Variants in CUX2 observed in about 807,000 individuals in gnomAD.
CUX2 encodes homeobox protein cut-like 2.
A neutral mutation model predicts 144.8 loss-of-function variants in CUX2; 40 were observed. The ratio of observed to expected loss-of-function variants is 0.28; its 90% CI spans 0.21 to 0.36. The LOEUF is 0.36. Ranked by LOEUF, CUX2 falls within the 10% of genes least tolerant of loss-of-function variation. CUX2 has a pLI of 1.00. For missense variants in CUX2, 1,615 were observed against 1,994.0 expected, an observed-to-expected ratio of 0.81 and a Z score of 3.62; for synonymous variants, 827 against 875.6, an observed-to-expected ratio of 0.94 and a Z score of 0.98.
intron 3 of CUX2, among the ~76,000 whole-genome samples, chr12:111,231,612 A>C (rs549627595): frequency 2.2e-4 from 33 of 152,342 alleles, no homozygotes; most frequent in African/African-American, 7.7e-4. Context: ...TTTGTAAATA[A>C]AGTTTTATTA....
At chr12:111,091,860 G>A (rs962673926) in intron 1 of CUX2, among the ~76,000 whole-genome samples, 11 of 152,138 alleles carry the variant, frequency 7.2e-5, no homozygotes, top group South Asian at 2.1e-4. Context: ...CCACATGACT[G>A]TCTTATCTTT....
chr12:111,263,310 G>GA lies in CUX2; in HGVS notation c.223-443dup, dbSNP rs1165642924. Among the ~76,000 whole-genome samples, 36 of 151,916 alleles carry GA rather than the reference G, an allele frequency of 2.4e-4. No homozygotes were observed. The highest frequency in any genetic ancestry group is 7.4e-5 in the Non-Finnish European group (5 of 67,908). ...AAGACCCCATCGCTTAAACAAACAAGAAAAAAAATACATGGCCAGCCATGG... is the reference window on the plus strand; with the variant it reads ...AAGACCCCATCGCTTAAACAAACAAGAAAAAAAAATACATGGCCAGCCATGG... On this transcript the variant is annotated intron_variant, in intron 3 of 21. Transcript: ENST00000261726. The surrounding 1 kb of genome is among the most constrained non-coding windows in gnomAD (Gnocchi z 4.0).
chr12:111,325,118 A>G (rs1887710519), intron 18 of CUX2, among the ~76,000 whole-genome samples: 1 of 149,468 alleles, frequency 6.7e-6, no homozygotes, highest in African/African-American at 2.5e-5. Context: ...ACCCGTCTCT[A>G]CTAAAATTAC....
chr12:111,135,557 C>G (rs1875822860), intron 1 of CUX2, among the ~76,000 whole-genome samples: 1 of 152,218 alleles, frequency 6.6e-6, no homozygotes, highest in African/African-American at 2.4e-5. Context: ...ACTATTCACA[C>G]TAGCCAAAAG....
At chr12:111,313,672 T>TA (rs1204682055) in intron 16 of CUX2, among the ~76,000 whole-genome samples, 1 of 151,906 alleles carries the variant, frequency 6.6e-6, no homozygotes, top group African/African-American at 2.4e-5. Flanking sequence ...GGGACTGTAT[T>TA]AGTTTTCCTT....
intron 4 of CUX2, among the ~76,000 whole-genome samples, chr12:111,290,917 C>T (rs1017315270): frequency 6.6e-6 from 1 of 151,042 alleles, no homozygotes; most frequent in African/African-American, 2.4e-5. Flanking sequence ...GGCTGGAGTG[C>T]AGTGGCGTGA....
At chr12:111,207,207 A>G (rs746713207) in intron 1 of CUX2, among the ~76,000 whole-genome samples, 3 of 152,128 alleles carry the variant, frequency 2.0e-5, no homozygotes, top group Non-Finnish European at 4.4e-5. Flanking sequence ...CCTTTGCCTG[A>G]TCAGTTTCCA....
chr12:111,309,612 C>CT (rs1279619313), intron 14 of CUX2, among the ~76,000 whole-genome samples: 1 of 150,196 alleles, frequency 6.7e-6, no homozygotes, highest in African/African-American at 2.5e-5. Flanking sequence ...CCTCCTCCTC[C>CT]TCCTTCCTTC....
chr12:111,291,419 C>T lies in CUX2; in HGVS notation c.303C>T (p.Asp101=), dbSNP rs1310580156. ...CCCTGTCTTTCTCTCCCTGCACAGA[C>T]CCCGTGCCTGTGTTTGAGGCGGCAC... ...SVYKQLIEAP[D]PVPVFEAARS... The change falls in exon 5 of 22, where the codon GAC becomes GAT. Residue 101 remains aspartate (D), a splice_region_variant and synonymous_variant. Coordinates refer to ENST00000261726, the MANE Select transcript of CUX2 (RefSeq NM_015267.4). The T allele has an allele frequency of 3.7e-6, 6 of 1,608,836 alleles. No individual in the cohort carries two copies. The highest frequency in any genetic ancestry group is 4.2e-6 in the Non-Finnish European group (5 of 1,177,694).
intron 1 of CUX2, among the ~76,000 whole-genome samples, chr12:111,130,857 G>T (rs1165108290): frequency 6.6e-6 from 1 of 152,144 alleles, no homozygotes; most frequent in African/African-American, 2.4e-5. Context: ...TAACTCCCAG[G>T]CTGCAACATT....
At chr12:111,087,667 G>C (rs1333688822) in intron 1 of CUX2, among the ~76,000 whole-genome samples, 1 of 152,204 alleles carries the variant, frequency 6.6e-6, no homozygotes, top group Non-Finnish European at 1.5e-5. Flanking sequence ...TATCATCCAA[G>C]AGGACAGAGG....
In CUX2 at chr12:111,223,700, A is replaced by AG. The variant is rs1250056382; in HGVS notation, c.222+5767dup. On this transcript the variant is annotated intron_variant, in intron 3 of 21. Coordinates refer to ENST00000261726, the MANE Select transcript of CUX2 (RefSeq NM_015267.4). Reference sequence around the variant, plus strand: ...AGTGCTGAGGTACCAGACTGGAGTCAGGGGCCATGGTGGACATCCAACCCA... The same window carrying AG: ...AGTGCTGAGGTACCAGACTGGAGTCAGGGGGCCATGGTGGACATCCAACCCA... Among the ~76,000 whole-genome samples the AG allele has an allele frequency of 3.9e-5, 6 of 152,310 alleles. No homozygotes were observed. In the East Asian group the frequency reaches 9.7e-4, roughly 25 times the overall value.
At chr12:111,083,767 C>T (rs1003695803) in intron 1 of CUX2, among the ~76,000 whole-genome samples, 8 of 151,880 alleles carry the variant, frequency 5.3e-5, no homozygotes, top group East Asian at 1.9e-4. Context: ...GAGGGAAGCA[C>T]GGGAGTTTGT....
intron 2 of CUX2, 133 bp from the exon 3 acceptor site, chr12:111,217,757 A>G (rs904088999): frequency 2.2e-6 from 2 of 902,188 alleles, no homozygotes; most frequent in East Asian, 4.8e-5. Flanking sequence ...CCCTTGTGAA[A>G]TCCAATGGAG....
intron 18 of CUX2, among the ~76,000 whole-genome samples, chr12:111,330,726 T>TAC (rs1565926275): frequency 2.0e-4 from 11 of 55,856 alleles, no homozygotes; most frequent in Non-Finnish European, 3.6e-4. Context: ...TATATATATA[T>TAC]ATATATATAT....
In CUX2 at chr12:111,171,698, C is replaced by A. The variant is rs1878532511; in HGVS notation, c.64-42502C>A. Among the ~76,000 whole-genome samples, 1 of 152,188 alleles carries A rather than the reference C, an allele frequency of 6.6e-6. No individual in the cohort carries two copies. The highest frequency in any genetic ancestry group is 6.5e-5 in the Admixed American group (1 of 15,276). On this transcript the variant is annotated intron_variant, in intron 1 of 21. Transcript: ENST00000261726. The surrounding 1 kb of genome is among the most constrained non-coding windows in gnomAD (Gnocchi z 5.0). Reference sequence around the variant, plus strand: ...GGTTTGCAGGCCATAATTAGGGGCTCAGTGTCACCTTTGTCCAGTGCCTGA... The same window carrying A: ...GGTTTGCAGGCCATAATTAGGGGCTAAGTGTCACCTTTGTCCAGTGCCTGA...
chr12:111,211,659 G>A (rs1344918276), intron 1 of CUX2, among the ~76,000 whole-genome samples: 1 of 152,182 alleles, frequency 6.6e-6, no homozygotes, highest in African/African-American at 2.4e-5. Context: ...GCCGAGGTGG[G>A]TGGATCATGA....
Position 111,138,122 on chromosome 12 carries a change from G to A in CUX2, c.64-76078G>A, listed in dbSNP as rs191634212. On this transcript the variant is annotated intron_variant, in intron 1 of 21. Coordinates refer to ENST00000261726, the MANE Select transcript of CUX2 (RefSeq NM_015267.4). Reference sequence around the variant, plus strand: ...CCCCTCCCACAGAGGATCTGCCACTGCCAGGCTGGCCGAGGGGAGGGGCTT... The same window carrying A: ...CCCCTCCCACAGAGGATCTGCCACTACCAGGCTGGCCGAGGGGAGGGGCTT... Among the ~76,000 whole-genome samples the A allele has an allele frequency of 3.9e-3, 601 of 152,322 alleles. 2 individuals are homozygous for A. Among genetic ancestry groups the A allele is most frequent in the Non-Finnish European group, 5.9e-3 (398 of 68,020 alleles).
At chr12:111,291,789 A>C (rs1030438684) in intron 5 of CUX2, among the ~76,000 whole-genome samples, 1 of 152,182 alleles carries the variant, frequency 6.6e-6, no homozygotes, top group African/African-American at 2.4e-5. Context: ...GGAGACTGTC[A>C]GTGAACAAAT....
Sources: allele counts gnomAD v4.1 joint callset (sites outside exome capture counted in the v4.1 genomes callset), GRCh38; gene constraint gnomAD v4.1.1; non-coding constraint Gnocchi (gnomAD v3.1); transcripts MANE v1.5; gene names NCBI Gene and HGNC (gene_info 2026-07-23, HGNC 2026-07-21).